ARHGAP21: variants seen among roughly 807,000 people sequenced by gnomAD.
The protein encoded by ARHGAP21 is rho GTPase-activating protein 21.
Under a neutral mutation model 164.6 loss-of-function variants are expected in ARHGAP21, and 38 were observed. That is an observed-to-expected ratio of 0.23 (90% CI 0.18 to 0.30). The LOEUF is 0.30. Among genes scored for constraint, ARHGAP21 ranks in the 10% least tolerant of loss-of-function variants. The pLI, the probability that ARHGAP21 is intolerant of heterozygous loss-of-function variation, is 1.00. For missense variants in ARHGAP21, 1,822 were observed against 2,370.7 expected, an observed-to-expected ratio of 0.77 and a Z score of 4.81; for synonymous variants, 766 against 857.9, an observed-to-expected ratio of 0.89 and a Z score of 1.87.
intron 13 of ARHGAP21, among the ~76,000 whole-genome samples, chr10:24,601,448 C>G (rs2076809248): frequency 6.6e-6 from 1 of 152,112 alleles, no homozygotes; most frequent in African/African-American, 2.4e-5. Flanking sequence ...TTAAAATGTT[C>G]TTATATATAA....
chr10:24,676,825 A>C (rs1410169383), intron 2 of ARHGAP21, among the ~76,000 whole-genome samples: 1 of 152,218 alleles, frequency 6.6e-6, no homozygotes, highest in African/African-American at 2.4e-5. Flanking sequence ...TCATTAAAAT[A>C]AGAATAAATG....
rs896501881 is a variant in ARHGAP21, at chr10:24,600,816, G to A, written c.2962C>T (p.Pro988Ser). ...EQTTPSEEEQ[P>S]ISVNACLIDI... ...ATCAAGCAAGCATTAACACTGATGG[G>A]CTGCTCTTCCTCAGACGGAGTCGTC... Residue 988 changes from proline to serine, a missense_variant, in exon 14 of 26, where the codon CCC becomes TCC. This residue lies in a region of ARHGAP21 where 1,090 missense variants were observed against 1,378.9 expected (regional missense o/e 0.79). Transcript: ENST00000396432. The A allele has an allele frequency of 6.2e-6, 10 of 1,614,146 alleles. No individual in the cohort carries two copies. Among genetic ancestry groups the A allele is most frequent in the Non-Finnish European group, 8.5e-6 (10 of 1,179,980 alleles).
At chr10:24,648,378 T>G (rs1195752871) in intron 4 of ARHGAP21, among the ~76,000 whole-genome samples, 2 of 152,246 alleles carry the variant, frequency 1.3e-5, no homozygotes, top group African/African-American at 4.8e-5. Flanking sequence ...CTACTTCATC[T>G]TATACAAAAT....
chr10:24,712,742 A>T (rs1844960228), intron 2 of ARHGAP21, among the ~76,000 whole-genome samples: 1 of 152,208 alleles, frequency 6.6e-6, no homozygotes, highest in Non-Finnish European at 1.5e-5. Context: ...AAATAAAAAA[A>T]AAGTAAACAA....
At chr10:24,666,530 C>A (rs1264307002) in intron 4 of ARHGAP21, among the ~76,000 whole-genome samples, 4 of 152,110 alleles carry the variant, frequency 2.6e-5, no homozygotes, top group Admixed American at 2.0e-4. Context: ...TTATCTCCAG[C>A]CTGATTGTCC....
intron 7 of ARHGAP21, among the ~76,000 whole-genome samples, chr10:24,625,530 AT>A (rs34882768): frequency 0.31 from 46,669 of 151,780 alleles, 7,684 homozygotes; most frequent in African/African-American, 0.43. Context: ...TTTCTGCATT[AT>A]TTCAAATATT....
intron 2 of ARHGAP21, among the ~76,000 whole-genome samples, chr10:24,684,882 G>GC (rs1001301645): frequency 2.0e-4 from 31 of 152,118 alleles, no homozygotes; most frequent in African/African-American, 7.0e-4. Flanking sequence ...CAGGTGATCC[G>GC]CCCCCCTCAG....
intron 4 of ARHGAP21, among the ~76,000 whole-genome samples, chr10:24,644,932 C>T (rs1837411107): frequency 6.6e-6 from 1 of 152,202 alleles, no homozygotes; most frequent in South Asian, 2.1e-4. Flanking sequence ...CAGCTAGATA[C>T]TGAACTCTCT....
At chr10:24,671,350 A>C (rs927038331) in intron 2 of ARHGAP21, among the ~76,000 whole-genome samples, 1 of 152,098 alleles carries the variant, frequency 6.6e-6, no homozygotes, top group Non-Finnish European at 1.5e-5. Flanking sequence ...ATAGTAACAC[A>C]TTTCTCTCTG....
chr10:24,684,504 TA>T (rs1210814795), intron 2 of ARHGAP21, among the ~76,000 whole-genome samples: 1 of 152,228 alleles, frequency 6.6e-6, no homozygotes, highest in Non-Finnish European at 1.5e-5. Context: ...ATTTTCTTTT[TA>T]AATGATATCT....
intron 2 of ARHGAP21, among the ~76,000 whole-genome samples, chr10:24,688,616 T>A (rs1842435137): frequency 6.6e-6 from 1 of 152,164 alleles, no homozygotes; most frequent in Non-Finnish European, 1.5e-5. Flanking sequence ...TTTTCACATG[T>A]GTAAAAATAT....
intron 4 of ARHGAP21, among the ~76,000 whole-genome samples, chr10:24,656,374 C>A (rs71491200): frequency 1.0e-5 from 1 of 98,328 alleles, no homozygotes; most frequent in Admixed American, 8.8e-5. Flanking sequence ...CCAGCCGCCC[C>A]GTCCGGGAGG....
Position 24,620,904 on chromosome 10 carries a change from G to C in ARHGAP21, c.991C>G (p.His331Asp), listed in dbSNP as rs771132140. 2.5e-6 allele frequency: 4 copies of C among 1,613,798 alleles called. No homozygotes were observed. The highest frequency in any genetic ancestry group is 3.4e-6 in the Non-Finnish European group (4 of 1,179,862). The change falls in exon 9 of 26, where the codon CAT becomes GAT. Residue 331 changes from histidine (H) to aspartate (D), a missense_variant. Transcript: ENST00000396432. ...AGTGATCTGGAGCCTGCAGGCTGAT[G>C]AATTAGATGAGTGGTGGGAATTGAT... ...PLSIPTTHLI[H>D]QPAGSRSLEP...
chr10:24,601,975 T>C lies in ARHGAP21; in HGVS notation c.2847+3A>G, dbSNP rs779332427. Reference sequence around the variant, plus strand: ...ACTCAGGGTGGCTTAGAAAACACACTACCTTGCCCTTATCGGTGACAAGGG... The same window carrying C: ...ACTCAGGGTGGCTTAGAAAACACACCACCTTGCCCTTATCGGTGACAAGGG... On this transcript the variant is annotated splice_donor_region_variant and intron_variant, in intron 13 of 25. Transcript: ENST00000396432. 4 of 1,571,006 alleles carry C rather than the reference T, an allele frequency of 2.5e-6. No individual in the cohort carries two copies. Among genetic ancestry groups the C allele is most frequent in the Admixed American group, 1.8e-5 (1 of 56,756 alleles).
At chr10:24,657,158 C>T (rs1451925496) in intron 4 of ARHGAP21, among the ~76,000 whole-genome samples, 14 of 21,138 alleles carry the variant, frequency 6.6e-4, no homozygotes, top group Non-Finnish European at 8.0e-4. Context: ...CCGCCCCGTC[C>T]GGGAGGTGAG....
rs376841445 is a variant in ARHGAP21 at position 24,591,878 on chromosome 10, T to C, written c.4002+9A>G. 46 of 1,601,810 alleles carry C rather than the reference T, an allele frequency of 2.9e-5. 1 individual carries two copies. The highest frequency in any genetic ancestry group is 1.2e-4 in the South Asian group (11 of 89,112). On this transcript the variant is annotated intron_variant, in intron 22 of 25. Coordinates refer to ENST00000396432, the MANE Select transcript of ARHGAP21 (RefSeq NM_020824.4). ...AGCATGAACTTACAGAGATGAAGCATGAACTTACGTGCTGGATGAGCGTTT... is the reference window on the plus strand; with the variant it reads ...AGCATGAACTTACAGAGATGAAGCACGAACTTACGTGCTGGATGAGCGTTT...
At chr10:24,632,572 C>T (rs1442305439) in intron 6 of ARHGAP21, among the ~76,000 whole-genome samples, 1 of 152,140 alleles carries the variant, frequency 6.6e-6, no homozygotes. Flanking sequence ...ATTTAGATTA[C>T]AGCATGAGCC....
intron 6 of ARHGAP21, among the ~76,000 whole-genome samples, chr10:24,631,778 C>T (rs545544021): frequency 3.4e-4 from 52 of 152,268 alleles, no homozygotes; most frequent in African/African-American, 1.2e-3. Context: ...AGTGCAGTGG[C>T]TCTATCAAGG....
intron 9 of ARHGAP21, among the ~76,000 whole-genome samples, chr10:24,612,466 G>A (rs2077304846): frequency 6.6e-6 from 1 of 152,126 alleles, no homozygotes; most frequent in Non-Finnish European, 1.5e-5. Flanking sequence ...CCTACCAGAA[G>A]GGACATACCT....
Sources: gnomAD v4.1 joint callset for allele counts (sites outside exome capture counted in the v4.1 genomes callset) on GRCh38, gnomAD v4.1.1 for gene constraint, gnomAD v4.1.1 regional missense constraint, MANE v1.5 for transcripts, NCBI Gene and HGNC (gene_info 2026-07-23, HGNC 2026-07-21) for gene names.